IGF2R: variants seen among roughly 807,000 people sequenced by gnomAD.
The protein encoded by IGF2R is insulin like growth factor 2 receptor.
In IGF2R, 91 loss-of-function variants were observed where a neutral mutation model predicts 270.6. The observed-to-expected ratio is 0.34, with a 90% CI of 0.28 to 0.40. The LOEUF (loss-of-function observed/expected upper bound fraction) is 0.40. Among genes scored for constraint, IGF2R ranks in the 10% least tolerant of loss-of-function variants. The probability of loss-of-function intolerance (pLI) is 1.00; values close to 1 mark genes in which losing one functional copy is unlikely to be tolerated. For missense variants in IGF2R, 2,805 were observed against 3,188.3 expected (o/e 0.88, Z 2.90); for synonymous variants, 1,316 against 1,258.9 (o/e 1.05, Z -0.96).
rs939473026 is a variant in IGF2R at position 160,110,843 on chromosome 6, C to A, written c.*5759C>A. ...CACAGAAAGAAAAATACCAGATGAT[C>A]TCACTTATATGTGGAATCTAAAAAG... On this transcript the variant is annotated 3_prime_UTR_variant, in exon 48 of 48. Coordinates refer to ENST00000356956, the MANE Select transcript of IGF2R (RefSeq NM_000876.4). 1 of 152,194 alleles carries A rather than the reference C, an allele frequency of 6.6e-6. No individual in the cohort carries two copies. Among genetic ancestry groups the A allele is most frequent in the Non-Finnish European group, 1.5e-5 (1 of 68,056 alleles). The allele number at this position is 152,194 out of a possible 1,614,324, so 9.4% of individuals were successfully genotyped here. A position where few individuals can be genotyped will look rare whatever the true frequency, so the allele number is the denominator to read the frequency against.
chr6:159,977,160 A>C lies in IGF2R; in HGVS notation c.149+7765A>C, dbSNP rs910589190. Among the ~76,000 whole-genome samples the C allele has an allele frequency of 4.6e-5, 7 of 151,812 alleles. 1 individual carries two copies. The South Asian group carries it at 1.5e-3, about 32-fold the overall frequency. ...TGCGTGGACGCTGTAGCTTCTGTCA[A>C]CCCTCTGAAGATCTCTCTTAAAGTT... On this transcript the variant is annotated intron_variant, in intron 1 of 47. Transcript: ENST00000356956.
intron 2 of IGF2R, among the ~76,000 whole-genome samples, chr6:160,003,133 C>T (rs1784155749): frequency 6.6e-6 from 1 of 152,212 alleles, no homozygotes; most frequent in African/African-American, 2.4e-5. Context: ...AGCCTGGCCC[C>T]TGACTTCCAG....
chr6:160,012,014 T>A (rs536340482), intron 4 of IGF2R, among the ~76,000 whole-genome samples: 1 of 152,208 alleles, frequency 6.6e-6, no homozygotes, highest in Admixed American at 6.5e-5. Context: ...AAAACATTAA[T>A]TCAGATTAAA....
intron 22 of IGF2R, among the ~76,000 whole-genome samples, chr6:160,059,708 C>T (rs1778393375): frequency 6.6e-6 from 1 of 152,232 alleles, no homozygotes; most frequent in Non-Finnish European, 1.5e-5. Flanking sequence ...CGTGGGGGCT[C>T]TCTGAGATGA....
At chr6:159,977,878 A>G (rs1783718794) in intron 1 of IGF2R, among the ~76,000 whole-genome samples, 1 of 151,634 alleles carries the variant, frequency 6.6e-6, no homozygotes, top group African/African-American at 2.4e-5. Context: ...GTTGTAGGCT[A>G]GGCGTGGGAT....
chr6:160,093,665 C>G lies in IGF2R; in HGVS notation c.6656-2774C>G, dbSNP rs561060519. On this transcript the variant is annotated intron_variant, in intron 44 of 47. Coordinates refer to ENST00000356956, the MANE Select transcript of IGF2R (RefSeq NM_000876.4). Reference sequence around the variant, plus strand: ...AAACTTCCGTGGATTCCTGCAAACTCTGGCTCATTTCCAAACCATTGAGGA... The same window carrying G: ...AAACTTCCGTGGATTCCTGCAAACTGTGGCTCATTTCCAAACCATTGAGGA... 3 of 749,172 alleles carry G rather than the reference C, an allele frequency of 4.0e-6. No homozygotes were observed. In the Admixed American group the frequency reaches 5.2e-5, roughly 13 times the overall value. 46.4% of individuals were successfully genotyped at this position (749,172 alleles called of 1,614,324 possible).
Position 160,073,780 on chromosome 6 carries a change from A to C in IGF2R, c.4971A>C (p.Gly1657=), listed in dbSNP as rs1778796828. The stretch of plus-strand genomic sequence containing the variant: ...AGACCGAATGTTCCGTGAGGAATGG[A>C]AGCTCTATTGTTGACTTGTCTCCCC... ...EQATECSVRN[G]SSIVDLSPLI... The change falls in exon 35 of 48, where the codon GGA becomes GGC. Residue 1657 remains glycine, a synonymous_variant. Coordinates refer to ENST00000356956, the MANE Select transcript of IGF2R (RefSeq NM_000876.4). The C allele has an allele frequency of 6.2e-7, 1 of 1,614,004 alleles. No homozygotes were observed. The highest frequency in any genetic ancestry group is 1.3e-5 in the African/African-American group (1 of 74,932).
At position 160,064,434 on chromosome 6, in the gene IGF2R, G is replaced by A. The variant is rs1778510330; in HGVS notation, c.3920G>A (p.Gly1307Asp). Residue 1307 changes from glycine to aspartate, a missense_variant, in exon 28 of 48, where the codon GGC (glycine) becomes GAC (aspartate). This residue lies in a region of IGF2R where 1,851 missense variants were observed against 2,207.2 expected (regional missense o/e 0.84). Coordinates refer to ENST00000356956, the MANE Select transcript of IGF2R (RefSeq NM_000876.4). ...LLTQKLTYEN[G>D]LLKMNFTGGD... ...ACTCAGAAGCTAACTTATGAAAATGGCTTGTTAAAAATGAACTTCACGGGG... is the reference window on the plus strand; with the variant it reads ...ACTCAGAAGCTAACTTATGAAAATGACTTGTTAAAAATGAACTTCACGGGG... 1.2e-6 allele frequency: 2 copies of A among 1,614,008 alleles called. No individual in the cohort carries two copies. Among genetic ancestry groups the A allele is most frequent in the Non-Finnish European group, 1.7e-6 (2 of 1,179,992 alleles).
chr6:160,053,276 G>T (rs755987544), intron 19 of IGF2R, among the ~76,000 whole-genome samples: 20 of 151,922 alleles, frequency 1.3e-4, no homozygotes, highest in Non-Finnish European at 2.5e-4. Context: ...GTTGGGGGCT[G>T]GGGGGGAGGG....
In IGF2R at chr6:160,061,764, G is replaced by T. The variant is rs1562362303; in HGVS notation, c.3418G>T (p.Gly1140Trp). ...TTCTGTTCTTCCAGGCAGCGCAGTGGGGTCTTGCTTAGTGTCAGAAGGCAA... is the reference window on the plus strand; with the variant it reads ...TTCTGTTCTTCCAGGCAGCGCAGTGTGGTCTTGCTTAGTGTCAGAAGGCAA... Reference protein sequence around the residue: ...YIPGCQGSAVGSCLVSEGNSW... With the variant: ...YIPGCQGSAVWSCLVSEGNSW... The change falls in exon 25 of 48, where the codon GGG becomes TGG. Residue 1140 changes from glycine (G) to tryptophan (W), a missense_variant. Transcript: ENST00000356956. The T allele has an allele frequency of 6.2e-7, 1 of 1,614,162 alleles. No individual in the cohort carries two copies. The highest frequency in any genetic ancestry group is 8.5e-7 in the Non-Finnish European group (1 of 1,180,032).
chr6:159,974,558 T>C (rs1342323889), intron 1 of IGF2R, among the ~76,000 whole-genome samples: 1 of 152,234 alleles, frequency 6.6e-6, no homozygotes, highest in Non-Finnish European at 1.5e-5. Flanking sequence ...TAACTTTTTA[T>C]GGTTTGTGCT....
intron 1 of IGF2R, among the ~76,000 whole-genome samples, chr6:159,980,216 A>AAGGAAGGAAGG (rs1562330567): frequency 7.9e-6 from 1 of 126,220 alleles, no homozygotes; most frequent in Admixed American, 8.8e-5. Flanking sequence ...AGAAAGAAAG[A>AAGGAAGGAAGG]AAGAAAGAAA....
At chr6:160,056,651 C>G (rs1375614503) in intron 20 of IGF2R, 126 bp downstream of exon 20, 5 of 687,884 alleles carry the variant, frequency 7.3e-6, no homozygotes, top group Non-Finnish European at 1.3e-5. Flanking sequence ...GTTGCATTGA[C>G]AATGGGTGTC....
chr6:160,034,869 G>C (rs1476505123), intron 10 of IGF2R, among the ~76,000 whole-genome samples: 1 of 152,206 alleles, frequency 6.6e-6, no homozygotes, highest in Non-Finnish European at 1.5e-5. Context: ...GGGATGGCTT[G>C]TCAATTTTGA....
chr6:160,030,070 A>C (rs1195221844), intron 7 of IGF2R, among the ~76,000 whole-genome samples: 1 of 152,058 alleles, frequency 6.6e-6, no homozygotes, highest in African/African-American at 2.4e-5. Flanking sequence ...CTCTCTTCCC[A>C]GTCTGCCCCT....
intron 10 of IGF2R, 37 bp from the exon 11 acceptor site, chr6:160,040,523 C>T (rs764794872): frequency 1.3e-5 from 21 of 1,597,416 alleles, no homozygotes; most frequent in South Asian, 4.4e-5. Context: ...ATTTTGGTCA[C>T]GTATGGAGTT....
Position 160,084,376 on chromosome 6 carries a change from G to A in IGF2R, c.6068+192G>A, listed in dbSNP as rs1779053448. ...ATCCTGGCACAGAGGGTGGTTCTGAGGTCAGAGTGGGGGCAGGAGCTTTGG... is the reference window on the plus strand; with the variant it reads ...ATCCTGGCACAGAGGGTGGTTCTGAAGTCAGAGTGGGGGCAGGAGCTTTGG... On this transcript the variant is annotated intron_variant, in intron 40 of 47. Coordinates refer to ENST00000356956, the MANE Select transcript of IGF2R (RefSeq NM_000876.4). This position sits in a 1 kb window ranked among gnomAD's most constrained non-coding sequence, Gnocchi z 4.6. Among the ~76,000 whole-genome samples, 1 of 152,200 alleles carries A rather than the reference G, an allele frequency of 6.6e-6. No homozygotes were observed. The highest frequency in any genetic ancestry group is 2.4e-5 in the African/African-American group (1 of 41,446).
At chr6:160,101,961 AC>A (rs1779495420) in intron 45 of IGF2R, among the ~76,000 whole-genome samples, 1 of 151,808 alleles carries the variant, frequency 6.6e-6, no homozygotes, top group Non-Finnish European at 1.5e-5. Flanking sequence ...GAGAGAGGAG[AC>A]CCGTCGGGGG....
At chr6:160,100,936 G>A (rs920176773) in intron 45 of IGF2R, among the ~76,000 whole-genome samples, 1 of 150,448 alleles carries the variant, frequency 6.6e-6, no homozygotes, top group African/African-American at 2.4e-5. Context: ...GATTATGGGC[G>A]TGTGCCACTA....
Sources: allele counts gnomAD v4.1 joint callset (sites outside exome capture counted in the v4.1 genomes callset), GRCh38; gene constraint gnomAD v4.1.1; regional missense constraint gnomAD v4.1.1; non-coding constraint Gnocchi (gnomAD v3.1); transcripts MANE v1.5; gene names NCBI Gene and HGNC (gene_info 2026-07-23, HGNC 2026-07-21).